APC: variants seen among roughly 807,000 people sequenced by gnomAD.
APC encodes the protein APC regulator of Wnt signaling pathway.
Under a neutral mutation model 247.0 loss-of-function variants are expected in APC, and 72 were observed. The ratio of observed to expected loss-of-function variants is 0.29; its 90% CI spans 0.24 to 0.35. The LOEUF is 0.35. Among genes scored for constraint, APC ranks in the 10% least tolerant of loss-of-function variants. The probability of loss-of-function intolerance (pLI) is 1.00; values close to 1 mark genes in which losing one functional copy is unlikely to be tolerated. For missense variants in APC, 3,400 were observed against 3,360.7 expected (o/e 1.01, Z -0.29); for synonymous variants, 1,254 against 1,162.5 (o/e 1.08, Z -1.60).
intron 8 of APC, among the ~76,000 whole-genome samples, chr5:112,809,826 G>T (rs1761801459): frequency 6.6e-6 from 1 of 152,102 alleles, no homozygotes; most frequent in African/African-American, 2.4e-5. Flanking sequence ...GTGAAACCCT[G>T]TCTCTACTAA....
At chr5:112,777,375 T>G (rs940738165) in intron 5 of APC, among the ~76,000 whole-genome samples, 1 of 152,168 alleles carries the variant, frequency 6.6e-6, no homozygotes, top group African/African-American at 2.4e-5. Flanking sequence ...TTTCCCCTAA[T>G]ATATTTAGAA....
chr5:112,717,908 C>CTTTTTTTTTTTTTTTTTT lies in APC; in HGVS notation c.165+10038_165+10055dup. On this transcript the variant is annotated intron_variant, in intron 1 of 13. Transcript: ENST00000507379. ...CTCTTTTCTTTTTCTTTTTCTTTTT[C>CTTTTTTTTTTTTTTTTTT]TTTTTTTTTTTTTTTTTTTTTTTTT... Among the ~76,000 whole-genome samples, 338 of 40,686 alleles carry CTTTTTTTTTTTTTTTTTT rather than the reference C, an allele frequency of 8.3e-3. 88 individuals carry two copies. Among genetic ancestry groups the CTTTTTTTTTTTTTTTTTT allele is most frequent in the African/African-American group, 0.017 (192 of 11,360 alleles). The allele number at this position is 40,686 out of a possible 152,430, so 26.7% of individuals were successfully genotyped here. A position where few individuals can be genotyped will look rare whatever the true frequency, so the allele number is the denominator to read the frequency against.
At chr5:112,738,897 A>G (rs1752652801) in intron 1 of APC, among the ~76,000 whole-genome samples, 1 of 152,240 alleles carries the variant, frequency 6.6e-6, no homozygotes, top group Non-Finnish European at 1.5e-5. Context: ...CCTATACGAA[A>G]TCTTAATAAA....
At chr5:112,757,377 T>A (rs1755101192) in intron 2 of APC, among the ~76,000 whole-genome samples, 1 of 152,188 alleles carries the variant, frequency 6.6e-6, no homozygotes, top group Admixed American at 6.5e-5. Flanking sequence ...CTTGCTAGAC[T>A]TTGTAATACC....
At position 112,841,275 on chromosome 5, in the gene APC, T is replaced by C. The variant is rs1227446367; in HGVS notation, c.5681T>C (p.Val1894Ala). 1.2e-6 allele frequency: 2 copies of C among 1,613,780 alleles called. No homozygotes were observed. Among genetic ancestry groups the C allele is most frequent in the Non-Finnish European group, 1.7e-6 (2 of 1,179,764 alleles). The change falls in exon 16 of 16, where the codon GTT becomes GCT. Residue 1894 changes from valine to alanine, a missense_variant. Val to Ala is a moderately conservative substitution (Grantham distance 64). Coordinates refer to ENST00000257430, the MANE Select transcript of APC (RefSeq NM_000038.6). This position sits in a 1 kb window ranked among gnomAD's most constrained non-coding sequence, Gnocchi z 4.6. The part of the protein sequence containing the change: ...AKENKESEAK[V>A]TSHTELTSNQ... ...GAAAATAAGGAATCAGAGGCTAAAG[T>C]TACCAGCCACACAGAACTAACCTCC... is the stretch of plus-strand genomic sequence containing the variant.
At chr5:112,835,305 C>G in intron 15 of APC, 140 bp downstream of exon 15, 1 of 759,320 alleles carries the variant, frequency 1.3e-6, no homozygotes, top group Non-Finnish European at 2.2e-6. Flanking sequence ...ACTACTAACT[C>G]TTAGTTTAAC....
rs1279820856 is a variant in APC at position 112,803,099 on chromosome 5, G to GA, written c.834+1716_834+1717insA. On this transcript the variant is annotated intron_variant, in intron 8 of 15. Transcript: ENST00000257430. ...AAACTAAAGTCAGATTTCGTGGGGG[G>GA]GCCATTTAGTTGGCAAAAATCAATA... Among the ~76,000 whole-genome samples, 5 of 151,934 alleles carry GA rather than the reference G, an allele frequency of 3.3e-5. No homozygotes were observed. The South Asian group carries it at 8.3e-4, about 25-fold the overall frequency.
rs2149961970 is a variant in APC at position 112,841,900 on chromosome 5, A to G, written c.6306A>G (p.Lys2102=). ...CTGATTCAGAAAATTTTGATTGGAA[A>G]GCTATTCAGGAAGGTGCAAATTCCA... is the stretch of plus-strand genomic sequence containing the variant. ...LSPDSENFDW[K]AIQEGANSIV... Residue 2102 remains lysine (K), a synonymous_variant, in exon 16 of 16, where the codon AAA becomes AAG. Coordinates refer to ENST00000257430, the MANE Select transcript of APC (RefSeq NM_000038.6). This position sits in a 1 kb window ranked among gnomAD's most constrained non-coding sequence, Gnocchi z 4.6. The G allele has an allele frequency of 4.3e-6, 7 of 1,614,014 alleles. No individual in the cohort carries two copies. Among genetic ancestry groups the G allele is most frequent in the South Asian group, 1.1e-5 (1 of 91,082 alleles).
rs1248359979 is a variant in APC at position 112,846,007 on chromosome 5, A to G, written c.*1881A>G. Reference sequence around the variant, plus strand: ...TGTTTATAACTTCCAGGTAATGAGAATGATTTTTTTTAAAGCTAAAATGCC... The same window carrying G: ...TGTTTATAACTTCCAGGTAATGAGAGTGATTTTTTTTAAAGCTAAAATGCC... On this transcript the variant is annotated 3_prime_UTR_variant, in exon 16 of 16. Transcript: ENST00000257430. The G allele has an allele frequency of 4.3e-6, 1 of 231,932 alleles. No homozygotes were observed. Among genetic ancestry groups the G allele is most frequent in the African/African-American group, 2.2e-5 (1 of 45,280 alleles). The allele number at this position is 231,932 out of a possible 1,614,324, so 14.4% of individuals were successfully genotyped here. A position where few individuals can be genotyped will look rare whatever the true frequency, so the allele number is the denominator to read the frequency against.
Position 112,840,856 on chromosome 5 carries a change from T to A in APC, c.5262T>A (p.Ser1754=), listed in dbSNP as rs876659812. Residue 1754 remains serine (S), a synonymous_variant, in exon 16 of 16, where the codon TCT becomes TCA. Coordinates refer to ENST00000257430, the MANE Select transcript of APC (RefSeq NM_000038.6). This position sits in a 1 kb window ranked among gnomAD's most constrained non-coding sequence, Gnocchi z 4.1. ...KKIMDQVQQA[S]ASSSAPNKNQ... is the part of the protein sequence containing the mutation. ...TAATGGACCAGGTCCAGCAAGCATC[T>A]GCGTCTTCTTCTGCACCCAACAAAA... 2 of 1,614,090 alleles carry A rather than the reference T, an allele frequency of 1.2e-6. No homozygotes were observed. The highest frequency in any genetic ancestry group is 1.7e-6 in the Non-Finnish European group (2 of 1,179,978).
chr5:112,827,370 A>C, intron 12 of APC, 123 bp downstream of exon 12: 4 of 1,129,520 alleles, frequency 3.5e-6, no homozygotes, highest in Non-Finnish European at 5.2e-6. Context: ...ACTGATAAAA[A>C]CCTGTGCTTC....
At chr5:112,815,429 A>C (rs1762395547) in intron 8 of APC, 66 bp from the exon 9 acceptor site, 4 of 1,152,462 alleles carry the variant, frequency 3.5e-6, no homozygotes, top group Non-Finnish European at 5.2e-6. Context: ...GGAGTACCTT[A>C]ACATGATGTT....
rs386833391 is a variant in APC at position 112,839,053 on chromosome 5, T to TGAA, written c.3468_3470dup (p.Glu1157dup). On this transcript the variant is annotated inframe_insertion, in exon 16 of 16. Transcript: ENST00000257430. This position sits in a 1 kb window ranked among gnomAD's most constrained non-coding sequence, Gnocchi z 5.0. ...AACGTTACTCTGAAGAAGAACAGCA[T>TGAA]GAAGAAGAAGAGAGACCAACAAATT... 3.7e-6 allele frequency: 6 copies of TGAA among 1,613,946 alleles called. No individual in the cohort carries two copies. The highest frequency in any genetic ancestry group is 5.1e-6 in the Non-Finnish European group (6 of 1,180,020).
chr5:112,784,788 GT>G (rs1259476471), intron 6 of APC, among the ~76,000 whole-genome samples: 1 of 152,096 alleles, frequency 6.6e-6, no homozygotes, highest in East Asian at 1.9e-4. Context: ...TAGAATGAAA[GT>G]TTTTAAACAT....
At chr5:112,784,837 GA>G (rs1187455219) in intron 6 of APC, among the ~76,000 whole-genome samples, 2 of 152,156 alleles carry the variant, frequency 1.3e-5, no homozygotes, top group African/African-American at 4.8e-5. Context: ...CTTATATTAA[GA>G]AAATAGTGAC....
At chr5:112,747,570 A>T (rs1221013500) in intron 1 of APC, among the ~76,000 whole-genome samples, 1 of 152,246 alleles carries the variant, frequency 6.6e-6, no homozygotes, top group Admixed American at 6.5e-5. Context: ...TTCTTATTCA[A>T]GCTAGTGAAT....
At chr5:112,740,964 T>G (rs1035051541) in intron 1 of APC, among the ~76,000 whole-genome samples, 3 of 152,230 alleles carry the variant, frequency 2.0e-5, no homozygotes, top group Non-Finnish European at 4.4e-5. Context: ...TGTTTAAATG[T>G]TCTCTTCAAT....
At chr5:112,764,922 G>A (rs183657316) in intron 2 of APC, among the ~76,000 whole-genome samples, 6 of 152,140 alleles carry the variant, frequency 3.9e-5, no homozygotes, top group Non-Finnish European at 8.8e-5. Flanking sequence ...AGTTATCACT[G>A]AGCAAATTTG....
chr5:112,754,294 T>A (rs1561443567), intron 1 of APC, among the ~76,000 whole-genome samples: 1 of 152,228 alleles, frequency 6.6e-6, no homozygotes, highest in South Asian at 2.1e-4. Flanking sequence ...AGTCTTCATT[T>A]AATGCTCTCC....
Sources: gnomAD v4.1 joint callset for allele counts (sites outside exome capture counted in the v4.1 genomes callset) on GRCh38, gnomAD v4.1.1 for gene constraint, Gnocchi (gnomAD v3.1) non-coding constraint, MANE v1.5 for transcripts, NCBI Gene and HGNC (gene_info 2026-07-23, HGNC 2026-07-21) for gene names.